FLACC1: variants seen among roughly 807,000 people sequenced by gnomAD.
FLACC1 encodes the protein flagellum-associated coiled-coil domain-containing protein 1.
FLACC1 carries 66 observed loss-of-function variants against 62.8 expected under a neutral mutation model. That is an observed-to-expected ratio of 1.05 (90% CI 0.86 to 1.29). FLACC1 has a LOEUF of 1.29. FLACC1 is among the 50% of genes most tolerant of loss of function. FLACC1 has a pLI of 0.00. For missense variants in FLACC1, 452 were observed against 489.1 expected, an observed-to-expected ratio of 0.92 and a Z score of 0.71; for synonymous variants, 156 against 161.0, an observed-to-expected ratio of 0.97 and a Z score of 0.24.
chr2:201,296,312 C>T (rs1949860498), intron 12 of FLACC1, among the ~76,000 whole-genome samples: 1 of 151,954 alleles, frequency 6.6e-6, no homozygotes, highest in Admixed American at 6.6e-5. Flanking sequence ...CACATATATA[C>T]CATGGAATAC....
chr2:201,345,550 G>A (rs1301766547), intron 5 of FLACC1, among the ~76,000 whole-genome samples: 3 of 151,760 alleles, frequency 2.0e-5, no homozygotes, highest in African/African-American at 7.3e-5. Context: ...AATTCTTACA[G>A]CAAAATCAGC....
chr2:201,314,805 A>G (rs192584689), intron 9 of FLACC1, among the ~76,000 whole-genome samples: 2 of 152,226 alleles, frequency 1.3e-5, no homozygotes, highest in East Asian at 3.9e-4. Flanking sequence ...GGTAACCTGT[A>G]AAGGAAAACC....
At chr2:201,312,265 T>C (rs1294394039) in intron 9 of FLACC1, among the ~76,000 whole-genome samples, 1 of 152,222 alleles carries the variant, frequency 6.6e-6, no homozygotes, top group East Asian at 1.9e-4. Flanking sequence ...AAAAAATAAG[T>C]AGCATTTCTA....
intron 11 of FLACC1, among the ~76,000 whole-genome samples, chr2:201,303,055 G>T (rs1353697848): frequency 6.6e-6 from 1 of 151,986 alleles, no homozygotes; most frequent in Non-Finnish European, 1.5e-5. Context: ...TCAAAAGCTA[G>T]CAGAAGGCAA....
chr2:201,351,184 C>T, intron 2 of FLACC1, 108 bp downstream of exon 2: 1 of 996,206 alleles, frequency 1.0e-6, no homozygotes, highest in Non-Finnish European at 1.5e-6. Flanking sequence ...TTCTGGCCCA[C>T]CTGGGATTTT....
intron 12 of FLACC1, among the ~76,000 whole-genome samples, chr2:201,298,907 G>C (rs554136047): frequency 6.6e-6 from 1 of 152,302 alleles, no homozygotes; most frequent in South Asian, 2.1e-4. Flanking sequence ...ACTTTTCAGA[G>C]CTCAAAGGGA....
chr2:201,350,888 G>A, intron 2 of FLACC1, 106 bp from the exon 3 acceptor site: 1 of 901,028 alleles, frequency 1.1e-6, no homozygotes, highest in East Asian at 2.5e-5. Context: ...AAATTGGAAT[G>A]CATGATCTGA....
At chr2:201,322,428 A>C (rs1950423099) in intron 9 of FLACC1, among the ~76,000 whole-genome samples, 1 of 152,154 alleles carries the variant, frequency 6.6e-6, no homozygotes, top group African/African-American at 2.4e-5. Flanking sequence ...CCAGCATCTA[A>C]GAAAGCCACA....
At chr2:201,300,654 C>T (rs1278598235) in intron 11 of FLACC1, among the ~76,000 whole-genome samples, 3 of 152,124 alleles carry the variant, frequency 2.0e-5, no homozygotes, top group Admixed American at 2.0e-4. Flanking sequence ...CCCGAGAAGC[C>T]TAACTGGGAG....
intron 9 of FLACC1, 54 bp downstream of exon 9, chr2:201,330,416 G>C (rs1198647872): frequency 6.7e-7 from 1 of 1,499,364 alleles, no homozygotes; most frequent in Non-Finnish European, 9.2e-7. Context: ...CCCAATGTTA[G>C]CCAGGAATGA....
intron 12 of FLACC1, among the ~76,000 whole-genome samples, chr2:201,298,215 A>C (rs937191540): frequency 3.9e-5 from 6 of 152,204 alleles, no homozygotes; most frequent in Non-Finnish European, 7.3e-5. Flanking sequence ...GTATTACCTC[A>C]ATAGTGGGGA....
chr2:201,359,007 G>A (rs182597470), upstream of FLACC1, among the ~76,000 whole-genome samples: 111 of 152,320 alleles, frequency 7.3e-4, 1 homozygote, highest in African/African-American at 2.2e-3. Context: ...CTGCAATATA[G>A]GGAAGCAATT....
At position 201,326,895 on chromosome 2, in the gene FLACC1, G is replaced by C. The variant is rs999721417; in HGVS notation, c.675+3575C>G. 3.9e-5 allele frequency among the ~76,000 whole-genome samples: 6 copies of C among 152,236 alleles called. No homozygotes were observed. Among genetic ancestry groups the C allele is most frequent in the East Asian group, 3.9e-4 (2 of 5,190 alleles). On this transcript the variant is annotated intron_variant, in intron 9 of 14. Coordinates refer to ENST00000392257, the MANE Select transcript of FLACC1 (RefSeq NM_001127391.3). This position sits in a 1 kb window ranked among gnomAD's most constrained non-coding sequence, Gnocchi z 4.1. Reference sequence around the variant, plus strand: ...ATACTAAGCAAAAAGAACAAATCTGGAGGTATCACATTACTAGACTTCAGA... The same window carrying C: ...ATACTAAGCAAAAAGAACAAATCTGCAGGTATCACATTACTAGACTTCAGA...
chr2:201,344,320 G>A, intron 5 of FLACC1, 57 bp from the exon 6 acceptor site: 1 of 1,443,230 alleles, frequency 6.9e-7, no homozygotes. Flanking sequence ...ATGCCATTCA[G>A]GCCCCTGAGC....
At chr2:201,347,802 C>A (rs1391653698) in intron 4 of FLACC1, among the ~76,000 whole-genome samples, 1 of 152,238 alleles carries the variant, frequency 6.6e-6, no homozygotes, top group South Asian at 2.1e-4. Context: ...GTCGGGCCCA[C>A]ACTCCCAGGC....
rs1178450526 is a variant in FLACC1, at chr2:201,288,763, C to A, written c.1161G>T (p.Lys387Asn). 2 of 1,613,490 alleles carry A rather than the reference C, an allele frequency of 1.2e-6. No individual in the cohort carries two copies. Among genetic ancestry groups the A allele is most frequent in the African/African-American group, 2.7e-5 (2 of 74,888 alleles). ...NIHLKQKIIS[K>N]NEEICEGCSG... ...AACATCCTTCACAAATTTCTTCATT[C>A]TTAGAAATTATCTTTTGCCTGTAAA... is the stretch of plus-strand genomic sequence containing the variant. The change falls in exon 15 of 15, where the codon AAG becomes AAT. Residue 387 changes from lysine (K) to asparagine (N), a missense_variant. Coordinates refer to ENST00000392257, the MANE Select transcript of FLACC1 (RefSeq NM_001127391.3).
chr2:201,293,202 A>G (rs1949777986), intron 12 of FLACC1, among the ~76,000 whole-genome samples: 1 of 152,216 alleles, frequency 6.6e-6, no homozygotes, highest in African/African-American at 2.4e-5. Flanking sequence ...TCTCCACCCC[A>G]AATGAACAGA....
In FLACC1 at chr2:201,341,957, T is replaced by C. The variant is rs1950819146; in HGVS notation, c.524+413A>G. 2.0e-5 allele frequency among the ~76,000 whole-genome samples: 3 copies of C among 152,172 alleles called. No individual in the cohort carries two copies. In the South Asian group the frequency reaches 6.2e-4, roughly 32 times the overall value. On this transcript the variant is annotated intron_variant, in intron 7 of 14. Coordinates refer to ENST00000392257, the MANE Select transcript of FLACC1 (RefSeq NM_001127391.3). ...TTCCTATTTTGCTGAGGCCCTGACCTAGCAGCCAGGGAGAGTAGAGGTGAG... is the reference window on the plus strand; with the variant it reads ...TTCCTATTTTGCTGAGGCCCTGACCCAGCAGCCAGGGAGAGTAGAGGTGAG...
intron 9 of FLACC1, among the ~76,000 whole-genome samples, chr2:201,313,464 G>A (rs533465957): frequency 1.4e-4 from 21 of 152,164 alleles, no homozygotes; most frequent in African/African-American, 4.8e-4. Context: ...CTGACAACCT[G>A]CACGACACAG....
Sources: allele counts gnomAD v4.1 joint callset (sites outside exome capture counted in the v4.1 genomes callset), GRCh38; gene constraint gnomAD v4.1.1; non-coding constraint Gnocchi (gnomAD v3.1); transcripts MANE v1.5; gene names NCBI Gene and HGNC (gene_info 2026-07-23, HGNC 2026-07-21).